The following ARHGEF10L variants were observed in gnomAD, a reference collection of about 807,000 sequenced individuals.
ARHGEF10L encodes the protein Rho guanine nucleotide exchange factor 10 like.
A neutral mutation model predicts 141.2 loss-of-function variants in ARHGEF10L; 69 were observed. The observed-to-expected ratio is 0.49, with a 90% CI of 0.40 to 0.60. The LOEUF (loss-of-function observed/expected upper bound fraction) is 0.60, where lower values mean the gene tolerates loss of function less well. ARHGEF10L is among the 20% of genes least tolerant of loss of function. ARHGEF10L has a pLI of 0.00. For synonymous variants in ARHGEF10L, 711 were observed against 718.5 expected (o/e 0.99, Z 0.17); for missense variants, 1,482 against 1,734.3 (o/e 0.85, Z 2.58).
At chr1:17,640,011 G>A in intron 20 of ARHGEF10L, 191 bp from the exon 21 acceptor site, 1 of 1,467,856 alleles carries the variant, frequency 6.8e-7, no homozygotes, top group Non-Finnish European at 9.0e-7. Flanking sequence ...ATTGTGGGCG[G>A]AGGGATTCCT....
At chr1:17,540,687 T>A (rs917771692) in intron 1 of ARHGEF10L, among the ~76,000 whole-genome samples, 48 of 152,090 alleles carry the variant, frequency 3.2e-4, no homozygotes, top group African/African-American at 1.1e-3. Flanking sequence ...CCTTTGGCCC[T>A]GAAAGCCAGG....
In ARHGEF10L at chr1:17,552,565, A is replaced by C. The variant is rs1437198568; in HGVS notation, c.-44+12615A>C. ...AGGTGCATGCTACCACAGCTGGCTAATTTTCGTTTTTTTTTTTTTTTTTTT... is the reference window on the plus strand; with the variant it reads ...AGGTGCATGCTACCACAGCTGGCTACTTTTCGTTTTTTTTTTTTTTTTTTT... On this transcript the variant is annotated intron_variant, in intron 1 of 28. Coordinates refer to ENST00000361221, the MANE Select transcript of ARHGEF10L (RefSeq NM_018125.4). Among the ~76,000 whole-genome samples the C allele has an allele frequency of 3.7e-5, 4 of 108,872 alleles. 1 individual carries two copies. The South Asian group carries it at 1.3e-3, about 34-fold the overall frequency. 71.4% of individuals were successfully genotyped at this position (108,872 alleles called of 152,430 possible).
At chr1:17,545,755 A>G (rs1387985753) in intron 1 of ARHGEF10L, among the ~76,000 whole-genome samples, 1 of 152,176 alleles carries the variant, frequency 6.6e-6, no homozygotes, top group Non-Finnish European at 1.5e-5. Context: ...GCTCTTGTAC[A>G]TCCTGTGATC....
chr1:17,639,483 G>T lies in ARHGEF10L; in HGVS notation c.2172-719G>T. Among the ~76,000 whole-genome samples the T allele has an allele frequency of 6.6e-6, 1 of 152,222 alleles. No individual in the cohort carries two copies. Among genetic ancestry groups the T allele is most frequent in the East Asian group, 1.9e-4 (1 of 5,194 alleles). On this transcript the variant is annotated intron_variant, in intron 20 of 28. Transcript: ENST00000361221. The surrounding 1 kb of genome is among the most constrained non-coding windows in gnomAD (Gnocchi z 4.3). The stretch of plus-strand genomic sequence containing the variant: ...GGACCATGGGCTCAGTCCCCCAGGG[G>T]ACCATGTGTAGGAGTCAGCAGCTTT...
At chr1:17,602,719 C>T (rs7550831) in intron 5 of ARHGEF10L, among the ~76,000 whole-genome samples, 19,666 of 151,752 alleles carry the variant, frequency 0.13, 1,382 homozygotes, top group African/African-American at 0.15. Context: ...GGTGTGGCTG[C>T]GGGCCCTGCA....
rs1355742741 is a variant in ARHGEF10L, at chr1:17,654,622, C to T, written c.2395-14C>T. 1.9e-6 allele frequency: 3 copies of T among 1,613,312 alleles called. No homozygotes were observed. In the East Asian group the frequency reaches 6.7e-5, roughly 36 times the overall value. On this transcript the variant is annotated splice_polypyrimidine_tract_variant and intron_variant, in intron 22 of 28. Coordinates refer to ENST00000361221, the MANE Select transcript of ARHGEF10L (RefSeq NM_018125.4). The surrounding 1 kb of genome is among the most constrained non-coding windows in gnomAD (Gnocchi z 4.3). Reference sequence around the variant, plus strand: ...TGATGATTAACCTCACATGTACCGTCTCTGTCTCTGCAGCTTGGGGCCCTG... The same window carrying T: ...TGATGATTAACCTCACATGTACCGTTTCTGTCTCTGCAGCTTGGGGCCCTG...
At chr1:17,585,556 C>G (rs1350879188) in intron 2 of ARHGEF10L, among the ~76,000 whole-genome samples, 2 of 152,180 alleles carry the variant, frequency 1.3e-5, no homozygotes, top group South Asian at 2.1e-4. Context: ...CCTCCGTGGC[C>G]TCAGAGGAAG....
At position 17,697,702 on chromosome 1, in the gene ARHGEF10L, C is replaced by T. The variant is rs3766314; in HGVS notation, c.*322C>T. 4,999 of 529,102 alleles carry T rather than the reference C, an allele frequency of 9.4e-3. 141 individuals are homozygous for T. The highest frequency in any genetic ancestry group is 0.08 in the East Asian group (1,657 of 20,696). 32.8% of individuals were successfully genotyped at this position (529,102 alleles called of 1,614,324 possible). On this transcript the variant is annotated 3_prime_UTR_variant, in exon 29 of 29. Transcript: ENST00000361221. The surrounding 1 kb of genome is among the most constrained non-coding windows in gnomAD (Gnocchi z 4.8). The stretch of plus-strand genomic sequence containing the variant: ...CTAGCGGGACTCCAAGGCAGCCACA[C>T]GCCCCTCCTGGAAGGGTGTGTGCGT...
intron 22 of ARHGEF10L, among the ~76,000 whole-genome samples, chr1:17,651,310 T>C (rs950104541): frequency 3.3e-5 from 5 of 152,136 alleles, no homozygotes; most frequent in African/African-American, 1.2e-4. Context: ...TAACTGGTGA[T>C]AGATGGCGTA....
chr1:17,562,942 T>C (rs1182472917), intron 1 of ARHGEF10L, among the ~76,000 whole-genome samples: 2 of 152,032 alleles, frequency 1.3e-5, no homozygotes, highest in African/African-American at 4.8e-5. Context: ...CATGGGACCA[T>C]CTGACCAGGG....
chr1:17,592,065 C>T (rs908034050), intron 4 of ARHGEF10L, among the ~76,000 whole-genome samples: 11 of 152,164 alleles, frequency 7.2e-5, no homozygotes, highest in South Asian at 2.1e-4. Flanking sequence ...CTCTGAAGCA[C>T]GTGCACTCAT....
chr1:17,583,202 TAAAAA>T (rs59088704), intron 2 of ARHGEF10L, among the ~76,000 whole-genome samples: 1 of 111,784 alleles, frequency 8.9e-6, no homozygotes, highest in Non-Finnish European at 1.8e-5. Context: ...GAGCTTCATT[TAAAAA>T]AAAAAAAAAA....
intron 1 of ARHGEF10L, among the ~76,000 whole-genome samples, chr1:17,563,793 C>T (rs2256487): frequency 0.053 from 8,075 of 152,194 alleles, 254 homozygotes; most frequent in Non-Finnish European, 0.064. Flanking sequence ...AGAGCCGGTG[C>T]ACAGACCCAC....
chr1:17,602,183 G>T lies in ARHGEF10L; in HGVS notation c.314G>T (p.Arg105Leu). The T allele has an allele frequency of 6.3e-7, 1 of 1,581,894 alleles. No homozygotes were observed. Among genetic ancestry groups the T allele is most frequent in the East Asian group, 2.3e-5 (1 of 42,976 alleles). Residue 105 changes from arginine to leucine, a missense_variant, in exon 5 of 29, where the codon CGG (arginine) becomes CTG (leucine). Arg to Leu is a moderately radical substitution (Grantham distance 102). This residue lies in a region of ARHGEF10L where 232 missense variants were observed against 225.9 expected (regional missense o/e 1.03). Transcript: ENST00000361221. Reference protein sequence around the residue: ...DAADAAFSGARHSSWKRKSSR... With the variant: ...DAADAAFSGALHSSWKRKSSR... ...GCGGACGCAGCCTTCTCCGGGGCCC[G>T]GCACTCCAGCTGGAAGCGGAAGAGT...
the ARHGEF10L span, among the ~76,000 whole-genome samples, chr1:17,529,569 T>A: frequency 6.6e-6 from 1 of 152,210 alleles, no homozygotes; most frequent in African/African-American, 2.4e-5. Flanking sequence ...CCTATCTGGT[T>A]TGCCCAGTTA....
chr1:17,571,426 G>A (rs551787217), intron 1 of ARHGEF10L, among the ~76,000 whole-genome samples: 3 of 152,322 alleles, frequency 2.0e-5, no homozygotes, highest in Non-Finnish European at 2.9e-5. Context: ...AGGAGACGGA[G>A]CATGGGCACT....
intron 15 of ARHGEF10L, among the ~76,000 whole-genome samples, chr1:17,629,628 C>T (rs2060570422): frequency 1.3e-5 from 2 of 152,134 alleles, no homozygotes; most frequent in Non-Finnish European, 2.9e-5. Flanking sequence ...TGGGGATGTC[C>T]CCATCCACGT....
intron 21 of ARHGEF10L, among the ~76,000 whole-genome samples, chr1:17,643,093 G>T (rs886781980): frequency 2.0e-5 from 3 of 152,136 alleles, no homozygotes; most frequent in African/African-American, 7.2e-5. Context: ...GGTTCCCCTG[G>T]GGCTTGAATA....
chr1:17,604,183 T>C (rs748189810), intron 6 of ARHGEF10L, among the ~76,000 whole-genome samples: 7 of 152,060 alleles, frequency 4.6e-5, no homozygotes, highest in Middle Eastern at 3.2e-3. Context: ...CTTTGGGATG[T>C]TACCTTCTCA....
Sources: gnomAD v4.1 joint callset for allele counts (sites outside exome capture counted in the v4.1 genomes callset) on GRCh38, gnomAD v4.1.1 for gene constraint, gnomAD v4.1.1 regional missense constraint, Gnocchi (gnomAD v3.1) non-coding constraint, MANE v1.5 for transcripts, NCBI Gene and HGNC (gene_info 2026-07-23, HGNC 2026-07-21) for gene names.